MIS18BP1: variants seen among roughly 807,000 people sequenced by gnomAD.
MIS18BP1 encodes the protein MIS18 binding protein 1.
A neutral mutation model predicts 116.1 loss-of-function variants in MIS18BP1; 72 were observed. The ratio of observed to expected loss-of-function variants is 0.62; its 90% CI spans 0.51 to 0.75. The LOEUF is 0.75. Among genes scored for constraint, MIS18BP1 ranks in the 30% least tolerant of loss-of-function variants. The pLI, the probability that MIS18BP1 is intolerant of heterozygous loss-of-function variation, is 0.00. For synonymous variants in MIS18BP1, 386 were observed against 427.0 expected, an observed-to-expected ratio of 0.90 and a Z score of 1.18; for missense variants, 1,363 against 1,303.2, an observed-to-expected ratio of 1.05 and a Z score of -0.71.
chr14:45,227,848 G>A lies in MIS18BP1; in HGVS notation c.1595-34C>T, dbSNP rs765664509. On this transcript the variant is annotated intron_variant, in intron 8 of 16. Transcript: ENST00000310806. ...ACAAAGATGGAGATTTCAATAAATG[G>A]TTATATAAAAGAGAAGCTGCTTTTC... 11 of 1,598,242 alleles carry A rather than the reference G, an allele frequency of 6.9e-6. No homozygotes were observed. The African/African-American group carries it at 1.5e-4, about 22-fold the overall frequency.
In MIS18BP1 at chr14:45,224,191, G is replaced by C. The variant is rs773399908; in HGVS notation, c.2396C>G (p.Ala799Gly). The C allele has an allele frequency of 6.2e-7, 1 of 1,614,008 alleles. No homozygotes were observed. Among genetic ancestry groups the C allele is most frequent in the South Asian group, 1.1e-5 (1 of 91,086 alleles). The change falls in exon 11 of 17, where the codon GCA (alanine) becomes GGA (glycine). Residue 799 changes from alanine (A) to glycine (G), a missense_variant. Physicochemically the swap from Ala to Gly is moderately conservative, Grantham distance 60 (BLOSUM62 0). Transcript: ENST00000310806. ...TGTGCTCTTTCTCAGGTGAACCACT[G>C]CTTCTTTGGTGTTTCCTGCTTTGGT... ...KKTKAGNTKEAVVHLRKSTRN... is the reference protein window; with the variant it reads ...KKTKAGNTKEGVVHLRKSTRN...
intron 6 of MIS18BP1, among the ~76,000 whole-genome samples, chr14:45,233,340 A>G (rs1431472618): frequency 6.6e-6 from 1 of 152,134 alleles, no homozygotes. Flanking sequence ...TCAGATGGGT[A>G]ACAGAGGCAG....
Position 45,204,084 on chromosome 14 carries a change from C to T in MIS18BP1, c.*25G>A. The T allele has an allele frequency of 6.2e-7, 1 of 1,602,440 alleles. No individual in the cohort carries two copies. Among genetic ancestry groups the T allele is most frequent in the Non-Finnish European group, 8.5e-7 (1 of 1,175,980 alleles). On this transcript the variant is annotated 3_prime_UTR_variant, in exon 17 of 17. Coordinates refer to ENST00000310806, the MANE Select transcript of MIS18BP1 (RefSeq NM_018353.5). ...CACTGTCTGCTTTATGGTAAAAATC[C>T]CAGGAATCATATTTTCTCATTTTAC...
Position 45,242,186 on chromosome 14 carries a change from C to G in MIS18BP1, c.991G>C (p.Gly331Arg), listed in dbSNP as rs1306482263. The G allele has an allele frequency of 6.2e-7, 1 of 1,614,080 alleles. No individual in the cohort carries two copies. The highest frequency in any genetic ancestry group is 2.2e-5 in the East Asian group (1 of 44,868). ...GNGKTVPGET[G>R]LPGSMKDTCK... The stretch of plus-strand genomic sequence containing the variant: ...GTATCTTTCATGGAACCTGGAAGAC[C>G]TGTCTCTCCAGGCACTGTTTTTCCA... Residue 331 changes from glycine (G) to arginine (R), a missense_variant, in exon 4 of 17, where the codon GGT becomes CGT. Transcript: ENST00000310806.
intron 4 of MIS18BP1, among the ~76,000 whole-genome samples, chr14:45,240,971 C>A (rs1275677895): frequency 6.6e-6 from 1 of 151,860 alleles, no homozygotes; most frequent in Non-Finnish European, 1.5e-5. Context: ...GGATTTCTAG[C>A]GAATATATTG....
intron 7 of MIS18BP1, among the ~76,000 whole-genome samples, chr14:45,232,347 G>GCGGA: frequency 6.7e-6 from 1 of 150,268 alleles, no homozygotes; most frequent in East Asian, 2.0e-4. Context: ...AACCCCAGAG[G>GCGGA]CGGAGCTTGC....
intron 1 of MIS18BP1, among the ~76,000 whole-genome samples, chr14:45,251,802 A>T (rs1891881687): frequency 6.6e-6 from 1 of 152,252 alleles, no homozygotes; most frequent in Non-Finnish European, 1.5e-5. Context: ...TTTTACTAAT[A>T]AATGGAGATG....
At chr14:45,240,764 T>C (rs1594524375) in intron 4 of MIS18BP1, among the ~76,000 whole-genome samples, 2 of 151,098 alleles carry the variant, frequency 1.3e-5, no homozygotes, top group South Asian at 4.2e-4. Flanking sequence ...TAGCCGGGCA[T>C]GGCAGCATGT....
rs944766719 is a variant in MIS18BP1, at chr14:45,203,927, C to T, written c.*182G>A. ...ACACGAGCAAAAACAATTTTCTTTA[C>T]ATTTTTAGTAAGCTGCAGCAATGAG... On this transcript the variant is annotated 3_prime_UTR_variant, in exon 17 of 17. Transcript: ENST00000310806. 29 of 771,936 alleles carry T rather than the reference C, an allele frequency of 3.8e-5. No individual in the cohort carries two copies. Among genetic ancestry groups the T allele is most frequent in the Non-Finnish European group, 4.9e-5 (27 of 555,066 alleles). The allele number at this position is 771,936 out of a possible 1,614,324, so 47.8% of individuals were successfully genotyped here.
intron 15 of MIS18BP1, 26 bp downstream of exon 15, chr14:45,206,057 T>C (rs79305144): frequency 0.016 from 22,748 of 1,423,036 alleles, 337 homozygotes; most frequent in African/African-American, 0.068. Flanking sequence ...TTCATAGATA[T>C]GTATTGGATA....
chr14:45,249,901 T>C (rs1891822762), intron 1 of MIS18BP1: 1 of 152,042 alleles, frequency 6.6e-6, no homozygotes, highest in Non-Finnish European at 1.5e-5. Context: ...AAAAATAAAC[T>C]GGAAGACTGC....
chr14:45,234,293 G>A (rs1445822579), intron 6 of MIS18BP1, among the ~76,000 whole-genome samples: 5 of 151,632 alleles, frequency 3.3e-5, no homozygotes, highest in Admixed American at 3.3e-4. Context: ...TATATGAATT[G>A]TTTTGCTATA....
intron 13 of MIS18BP1, 145 bp downstream of exon 13, chr14:45,216,874 A>T (rs1222851891): frequency 7.4e-6 from 6 of 812,770 alleles, no homozygotes; most frequent in Non-Finnish European, 1.1e-5. Context: ...ATATATCAGC[A>T]CATTGTTTGC....
chr14:45,218,355 C>T lies in MIS18BP1; in HGVS notation c.2769G>A (p.Met923Ile). Residue 923 changes from methionine (M) to isoleucine (I), a missense_variant, in exon 12 of 17, where the codon ATG becomes ATA. By Grantham distance (10) the Met-to-Ile change is conservative. Transcript: ENST00000310806. ...GGGATCCTTTTCCTCTGGGATTTTCCATGTATTTCCTCTGGCATTCTTCAG... is the reference window on the plus strand; with the variant it reads ...GGGATCCTTTTCCTCTGGGATTTTCTATGTATTTCCTCTGGCATTCTTCAG... ...RSPEECQRKY[M>I]ENPRGKGSQK... The T allele has an allele frequency of 6.2e-7, 1 of 1,613,980 alleles. No homozygotes were observed.
At position 45,241,792 on chromosome 14, in the gene MIS18BP1, G is replaced by C. The variant is rs760344028; in HGVS notation, c.1143+242C>G. ...TAAATTATTGAAGACTACACAACTA[G>C]TAATAGAGCAAAATAAGACTTAACA... is the stretch of plus-strand genomic sequence containing the variant. On this transcript the variant is annotated intron_variant, in intron 4 of 16. Transcript: ENST00000310806. 2.1e-4 allele frequency: 85 copies of C among 399,838 alleles called. 1 individual carries two copies. The highest frequency in any genetic ancestry group is 4.3e-4 in the African/African-American group (21 of 48,734). 24.8% of individuals were successfully genotyped at this position (399,838 alleles called of 1,614,324 possible).
At chr14:45,235,189 A>C (rs1891389202) in intron 6 of MIS18BP1, among the ~76,000 whole-genome samples, 2 of 150,350 alleles carry the variant, frequency 1.3e-5, no homozygotes, top group Non-Finnish European at 1.5e-5. Context: ...CCTGGGCAAC[A>C]GAGCAAGACT....
rs568959120 is a variant in MIS18BP1, at chr14:45,203,365, A to C, written c.*744T>G. On this transcript the variant is annotated 3_prime_UTR_variant, in exon 17 of 17. Coordinates refer to ENST00000310806, the MANE Select transcript of MIS18BP1 (RefSeq NM_018353.5). ...AAAAGGATGTTTATTATGACATAATATATTGATTCCTAATGGTGGATCTAT... is the reference window on the plus strand; with the variant it reads ...AAAAGGATGTTTATTATGACATAATCTATTGATTCCTAATGGTGGATCTAT... 1 of 152,318 alleles carries C rather than the reference A, an allele frequency of 6.6e-6. No individual in the cohort carries two copies. The highest frequency in any genetic ancestry group is 6.5e-5 in the Admixed American group (1 of 15,300). 9.4% of individuals were successfully genotyped at this position (152,318 alleles called of 1,614,324 possible). A position where few individuals can be genotyped will look rare whatever the true frequency, so the allele number is the denominator to read the frequency against.
At chr14:45,246,152 T>A (rs1397127285) in intron 2 of MIS18BP1, among the ~76,000 whole-genome samples, 3 of 152,184 alleles carry the variant, frequency 2.0e-5, no homozygotes, top group Non-Finnish European at 1.5e-5. Context: ...CCCTCATAAG[T>A]CAGATCTTGT....
intron 1 of MIS18BP1, among the ~76,000 whole-genome samples, chr14:45,251,094 T>A (rs1445345106): frequency 2.0e-5 from 3 of 151,376 alleles, no homozygotes; most frequent in Non-Finnish European, 2.9e-5. Flanking sequence ...AGTCATGCAC[T>A]GCATAATGAC....
Sources: gnomAD v4.1 joint callset for allele counts (sites outside exome capture counted in the v4.1 genomes callset) on GRCh38, gnomAD v4.1.1 for gene constraint, MANE v1.5 for transcripts, NCBI Gene and HGNC (gene_info 2026-07-23, HGNC 2026-07-21) for gene names.